VPS13D: variants seen among roughly 807,000 people sequenced by gnomAD.
VPS13D encodes intermembrane lipid transfer protein VPS13D.
In VPS13D, 187 loss-of-function variants were observed where a neutral mutation model predicts 461.9. The observed-to-expected ratio is 0.40, with a 90% confidence interval of 0.36 to 0.46. The LOEUF (loss-of-function observed/expected upper bound fraction) is 0.46. Among genes scored for constraint, VPS13D ranks in the 20% least tolerant of loss-of-function variants. The pLI, the probability that VPS13D is intolerant of heterozygous loss-of-function variation, is 0.60. For missense variants in VPS13D, 4,711 were observed against 5,364.9 expected (o/e 0.88, Z 3.81); for synonymous variants, 1,951 against 1,986.3 (o/e 0.98, Z 0.47).
chr1:12,389,017 A>G (rs1482678181), intron 60 of VPS13D, among the ~76,000 whole-genome samples: 1 of 152,212 alleles, frequency 6.6e-6, no homozygotes, highest in Non-Finnish European at 1.5e-5. Context: ...TTACATGATC[A>G]CAAGTTCCCA....
chr1:12,266,980 CTA>C lies in VPS13D; in HGVS notation c.1696_1697del (p.Met566ValfsTer8). ...CTTCGAGACCTGGCTACAGAAGGAA[CTA>C]TGTTTCCTCTTCTAGTCTTCCCTAA... is the stretch of plus-strand genomic sequence containing the variant. On this transcript the variant is annotated frameshift_variant, in exon 14 of 70. Coordinates refer to ENST00000620676, the MANE Select transcript of VPS13D (RefSeq NM_015378.4). LOFTEE classifies it high-confidence loss of function. The C allele has an allele frequency of 6.2e-7, 1 of 1,608,620 alleles. No individual in the cohort carries two copies. Among genetic ancestry groups the C allele is most frequent in the Non-Finnish European group, 8.5e-7 (1 of 1,178,438 alleles).
intron 69 of VPS13D, among the ~76,000 whole-genome samples, chr1:12,508,065 G>A (rs991929281): frequency 6.6e-6 from 1 of 152,216 alleles, no homozygotes; most frequent in African/African-American, 2.4e-5. Context: ...TTGGACTTGT[G>A]TAAGGCTCCC....
chr1:12,288,296 C>T lies in VPS13D; in HGVS notation c.5708C>T (p.Ala1903Val). ...AAAGCAAATGTGTCCAAATTAGTAG[C>T]ACACCTGGAAATGATTGGTAAGTGG... is the stretch of plus-strand genomic sequence containing the variant. ...LAKANVSKLV[A>V]HLEMIEGDLA... Residue 1903 changes from alanine (A) to valine (V), a missense_variant, in exon 22 of 70, where the codon GCA becomes GTA. Physicochemically the swap from Ala to Val is moderately conservative, Grantham distance 64. Around this residue, in one of 3 missense-constraint regions of VPS13D, gnomAD observed 4,411 missense variants for 4,937.8 expected, o/e 0.89. Coordinates refer to ENST00000620676, the MANE Select transcript of VPS13D (RefSeq NM_015378.4). 6.2e-7 allele frequency: 1 copy of T among 1,614,102 alleles called. No individual in the cohort carries two copies. The highest frequency in any genetic ancestry group is 8.5e-7 in the Non-Finnish European group (1 of 1,179,958).
chr1:12,398,989 G>A (rs1006127684), intron 60 of VPS13D, among the ~76,000 whole-genome samples: 9 of 152,108 alleles, frequency 5.9e-5, no homozygotes. Context: ...TGTGATATAA[G>A]GACAGAGCTC....
At chr1:12,230,786 CA>C (rs1639941643) in intron 1 of VPS13D, among the ~76,000 whole-genome samples, 1 of 151,990 alleles carries the variant, frequency 6.6e-6, no homozygotes, top group Non-Finnish European at 1.5e-5. Context: ...TTTTACCCCC[CA>C]GGGTCACGCC....
intron 60 of VPS13D, among the ~76,000 whole-genome samples, chr1:12,395,923 T>C (rs2101672607): frequency 6.8e-6 from 1 of 148,010 alleles, no homozygotes; most frequent in Admixed American, 6.8e-5. Context: ...TAATATTCTG[T>C]TCCTCTAGAA....
intron 54 of VPS13D, among the ~76,000 whole-genome samples, chr1:12,372,784 T>C (rs1644137963): frequency 6.6e-6 from 1 of 151,324 alleles, no homozygotes; most frequent in African/African-American, 2.4e-5. Context: ...TTTTTAACGC[T>C]GAATTAATCC....
intron 66 of VPS13D, among the ~76,000 whole-genome samples, chr1:12,458,401 T>C (rs568339697): frequency 2.0e-5 from 3 of 152,226 alleles, no homozygotes; most frequent in East Asian, 3.9e-4. Context: ...CCAAAAACTT[T>C]GTTCAAAAGT....
At chr1:12,271,269 G>C in intron 17 of VPS13D, 145 bp downstream of exon 17, 1 of 1,044,044 alleles carries the variant, frequency 9.6e-7, no homozygotes, top group South Asian at 1.6e-5. Flanking sequence ...TTATCAGCTA[G>C]CATAGAATAG....
In VPS13D at chr1:12,378,520, C is replaced by T. The variant is rs1334793606; in HGVS notation, c.11010C>T (p.Pro3670=). 1.2e-6 allele frequency: 2 copies of T among 1,612,018 alleles called. No individual in the cohort carries two copies. The highest frequency in any genetic ancestry group is 1.3e-5 in the African/African-American group (1 of 74,740). ...GSSVPHNPNK[P]SAARSTEGSA... Reference sequence around the variant, plus strand: ...CAGTTCCTCACAATCCCAATAAGCCCTCAGCCGCCCGCTCCACCGAGGGGT... The same window carrying T: ...CAGTTCCTCACAATCCCAATAAGCCTTCAGCCGCCCGCTCCACCGAGGGGT... Residue 3670 remains proline, a synonymous_variant, in exon 56 of 70, where the codon CCC becomes CCT. Coordinates refer to ENST00000620676, the MANE Select transcript of VPS13D (RefSeq NM_015378.4).
At chr1:12,262,754 A>G (rs1188741823) in intron 13 of VPS13D, among the ~76,000 whole-genome samples, 9 of 150,534 alleles carry the variant, frequency 6.0e-5, no homozygotes, top group African/African-American at 2.2e-4. Flanking sequence ...CCTAGGCTGC[A>G]GTGCAGTGGC....
chr1:12,248,078 G>A (rs1415709186), intron 5 of VPS13D, among the ~76,000 whole-genome samples: 1 of 151,652 alleles, frequency 6.6e-6, no homozygotes, highest in Non-Finnish European at 1.5e-5. Context: ...TAATAGAGAC[G>A]GGGTTTCACC....
At position 12,299,200 on chromosome 1, in the gene VPS13D, A is replaced by G; in HGVS notation, c.6034-2A>G. 1 of 1,565,516 alleles carries G rather than the reference A, an allele frequency of 6.4e-7. No individual in the cohort carries two copies. The highest frequency in any genetic ancestry group is 8.6e-7 in the Non-Finnish European group (1 of 1,160,458). On this transcript the variant is annotated splice_acceptor_variant, in intron 24 of 69. Coordinates refer to ENST00000620676, the MANE Select transcript of VPS13D (RefSeq NM_015378.4). LOFTEE classifies it high-confidence loss of function. The surrounding 1 kb of genome is among the most constrained non-coding windows in gnomAD (Gnocchi z 4.2). ...CTGAGTCAGTTTTCCTTCCTCTTTC[A>G]GGTGAGAGATCAAGCCCAGCGCTGT... is the stretch of plus-strand genomic sequence containing the variant.
At position 12,460,351 on chromosome 1, in the gene VPS13D, A is replaced by G. The variant is rs1297654641; in HGVS notation, c.12617A>G (p.Glu4206Gly). The change falls in exon 67 of 70, where the codon GAA (glutamate) becomes GGA (glycine). Residue 4206 changes from glutamate (E) to glycine (G), a missense_variant. Glu to Gly is a moderately conservative substitution (Grantham distance 98). Around this residue, in one of 3 missense-constraint regions of VPS13D, gnomAD observed 106 missense variants for 206.2 expected, o/e 0.51. Coordinates refer to ENST00000620676, the MANE Select transcript of VPS13D (RefSeq NM_015378.4). ...PVAGALDFAS[E>G]TAQAVRDTAT... ...GCAGGCGCCCTGGATTTTGCATCAG[A>G]AACAGCCCAGGCGGTGAGAGACACA... is the stretch of plus-strand genomic sequence containing the variant. 6.2e-7 allele frequency: 1 copy of G among 1,612,576 alleles called. No individual in the cohort carries two copies. Among genetic ancestry groups the G allele is most frequent in the Non-Finnish European group, 8.5e-7 (1 of 1,179,236 alleles).
At chr1:12,360,804 C>T (rs572719911) in intron 50 of VPS13D, among the ~76,000 whole-genome samples, 153 of 152,238 alleles carry the variant, frequency 1.0e-3, no homozygotes, top group African/African-American at 3.6e-3. Flanking sequence ...ATTTTCAAGC[C>T]AGTTTAAGTG....
chr1:12,373,447 G>A lies in VPS13D; in HGVS notation c.10809-303G>A, dbSNP rs1353580238. Reference sequence around the variant, plus strand: ...AATTTTTTGCCTTTTTTTTTGGTGGGGGGGCCTCTAAAGATATATGGTTAT... The same window carrying A: ...AATTTTTTGCCTTTTTTTTTGGTGGAGGGGCCTCTAAAGATATATGGTTAT... On this transcript the variant is annotated intron_variant, in intron 54 of 69. Transcript: ENST00000620676. Among the ~76,000 whole-genome samples the A allele has an allele frequency of 3.3e-5, 5 of 151,514 alleles. 1 individual carries two copies. In the East Asian group the frequency reaches 9.7e-4, roughly 29 times the overall value.
In VPS13D at chr1:12,369,495, T is replaced by C. The variant is rs779263472; in HGVS notation, c.10601T>C (p.Val3534Ala). ...KVPVVFTQHG[V>A]AEPRLRTEVK... ...CCGGTTGTCTTTACTCAGCATGGCG[T>C]AGCTGAACCCAGGCTCCGGACTGAA... Residue 3534 changes from valine (V) to alanine (A), a missense_variant, in exon 54 of 70, where the codon GTA becomes GCA. Physicochemically the swap from Val to Ala is moderately conservative, Grantham distance 64. Around this residue, in one of 3 missense-constraint regions of VPS13D, gnomAD observed 4,411 missense variants for 4,937.8 expected, o/e 0.89. Coordinates refer to ENST00000620676, the MANE Select transcript of VPS13D (RefSeq NM_015378.4). 3.1e-6 allele frequency: 5 copies of C among 1,614,216 alleles called. No homozygotes were observed. Among genetic ancestry groups the C allele is most frequent in the Non-Finnish European group, 2.5e-6 (3 of 1,180,036 alleles).
At chr1:12,372,380 G>C (rs1644132228) in intron 54 of VPS13D, among the ~76,000 whole-genome samples, 1 of 151,914 alleles carries the variant, frequency 6.6e-6, no homozygotes, top group Admixed American at 6.6e-5. Context: ...GTTTTGTTTT[G>C]TTTTGTTTTA....
intron 6 of VPS13D, among the ~76,000 whole-genome samples, chr1:12,253,016 G>A (rs930188257): frequency 6.6e-6 from 1 of 151,646 alleles, no homozygotes; most frequent in Non-Finnish European, 1.5e-5. Context: ...AAGTTAGCCG[G>A]GCATGGTGAT....
Sources: allele counts gnomAD v4.1 joint callset (sites outside exome capture counted in the v4.1 genomes callset), GRCh38; gene constraint gnomAD v4.1.1; regional missense constraint gnomAD v4.1.1; non-coding constraint Gnocchi (gnomAD v3.1); transcripts MANE v1.5; gene names NCBI Gene and HGNC (gene_info 2026-07-23, HGNC 2026-07-21).